Variants in BEST3 observed in about 807,000 individuals in gnomAD.
BEST3 encodes the protein bestrophin-3.
A neutral mutation model predicts 47.1 loss-of-function variants in BEST3; 50 were observed. The observed-to-expected ratio is 1.06, with a 90% CI of 0.85 to 1.34. The LOEUF is 1.34. Ranked by LOEUF, BEST3 falls within the 40% of genes most tolerant of loss-of-function variation. The pLI is 0.00. For synonymous variants in BEST3, 282 were observed against 298.8 expected (o/e 0.94, Z 0.58); for missense variants, 765 against 817.0 (o/e 0.94, Z 0.78).
chr12:69,672,714 G>A (rs1271027511), intron 8 of BEST3, among the ~76,000 whole-genome samples, 171 bp downstream of exon 8: 2 of 152,176 alleles, frequency 1.3e-5, no homozygotes, highest in African/African-American at 4.8e-5. Flanking sequence ...TGAAATCTCG[G>A]ATGTGTAAGC....
chr12:69,672,742 A>G (rs1280221744), intron 8 of BEST3, 143 bp downstream of exon 8: 1 of 610,918 alleles, frequency 1.6e-6, no homozygotes, highest in African/African-American at 1.9e-5. Context: ...AGGACCTGAG[A>G]CAGCACAGTG....
chr12:69,680,786 A>G (rs1281732934), intron 4 of BEST3, among the ~76,000 whole-genome samples: 1 of 152,174 alleles, frequency 6.6e-6, no homozygotes, highest in East Asian at 1.9e-4. Flanking sequence ...GGATTTTCAT[A>G]CAGGCCTATT....
At chr12:69,677,320 T>G (rs552071746) in intron 5 of BEST3, 63 bp from the exon 6 acceptor site, 2 of 1,394,870 alleles carry the variant, frequency 1.4e-6, no homozygotes, top group Non-Finnish European at 2.0e-6. Context: ...AAGTACTTAC[T>G]GGGACTCAGA....
At chr12:69,682,608 G>A (rs866714632) in intron 4 of BEST3, among the ~76,000 whole-genome samples, 9 of 151,548 alleles carry the variant, frequency 5.9e-5, no homozygotes, top group South Asian at 2.1e-4. Context: ...CAGAGTCTCC[G>A]TCTGTCATCC....
intron 4 of BEST3, among the ~76,000 whole-genome samples, chr12:69,681,878 C>T (rs1262947342): frequency 1.3e-5 from 2 of 151,952 alleles, no homozygotes; most frequent in African/African-American, 2.4e-5. Flanking sequence ...GTCAGGAGTT[C>T]GAGACCAGCC....
At chr12:69,685,145 C>T (rs970769322) in intron 4 of BEST3, among the ~76,000 whole-genome samples, 9 of 152,008 alleles carry the variant, frequency 5.9e-5, no homozygotes, top group African/African-American at 1.9e-4. Flanking sequence ...AAATAGGCTA[C>T]GGTGGAGTAA....
chr12:69,657,306 G>C (rs1593135920), intron 9 of BEST3, among the ~76,000 whole-genome samples: 1 of 152,128 alleles, frequency 6.6e-6, no homozygotes, highest in East Asian at 1.9e-4. Flanking sequence ...ATGTTGGCCA[G>C]GCTGGTCTCG....
chr12:69,680,630 G>A (rs1885204806), intron 4 of BEST3, among the ~76,000 whole-genome samples: 1 of 151,938 alleles, frequency 6.6e-6, no homozygotes, highest in African/African-American at 2.4e-5. Context: ...TAAAAATTTT[G>A]ACTGAATAAT....
At chr12:69,652,759 G>C (rs117208414), downstream of BEST3, among the ~76,000 whole-genome samples, 1 of 152,302 alleles carries the variant, frequency 6.6e-6, no homozygotes, top group East Asian at 1.9e-4. Flanking sequence ...AAACTTACTT[G>C]AATTTGAGCA....
rs1384570288 is a variant in BEST3, at chr12:69,667,774, G to C, written c.1100+3654C>G. 2.6e-5 allele frequency among the ~76,000 whole-genome samples: 4 copies of C among 152,238 alleles called. No homozygotes were observed. In the East Asian group the frequency reaches 7.7e-4, roughly 29 times the overall value. ...TTCTCCACCTTACATCTGTGAGCTT[G>C]GGAGGTGTTTTTTTCTTTTCTTTTT... On this transcript the variant is annotated intron_variant, in intron 9 of 9. Coordinates refer to ENST00000330891, the MANE Select transcript of BEST3 (RefSeq NM_032735.3).
intron 9 of BEST3, among the ~76,000 whole-genome samples, chr12:69,658,651 G>A (rs1883666151): frequency 6.6e-6 from 1 of 152,148 alleles, no homozygotes; most frequent in South Asian, 2.1e-4. Flanking sequence ...TTTACATTTG[G>A]GGCAAAGCAA....
intron 4 of BEST3, among the ~76,000 whole-genome samples, chr12:69,690,161 T>C (rs762253351): frequency 6.6e-6 from 1 of 152,166 alleles, no homozygotes; most frequent in African/African-American, 2.4e-5. Context: ...TTATTCAAGA[T>C]GTAGAGGGCC....
chr12:69,650,096 T>A (rs1433285715), downstream of BEST3, among the ~76,000 whole-genome samples: 1 of 152,150 alleles, frequency 6.6e-6, no homozygotes, highest in Non-Finnish European at 1.5e-5. Flanking sequence ...TGAGCAAATG[T>A]GGTTTTTGGG....
intron 4 of BEST3, among the ~76,000 whole-genome samples, chr12:69,679,487 T>C (rs1409973452): frequency 1.3e-5 from 2 of 152,254 alleles, no homozygotes; most frequent in Non-Finnish European, 1.5e-5. Context: ...CATAAATGTT[T>C]CCCTTACTAT....
chr12:69,657,508 C>T (rs1442062701), intron 9 of BEST3, among the ~76,000 whole-genome samples: 1 of 152,080 alleles, frequency 6.6e-6, no homozygotes, highest in Non-Finnish European at 1.5e-5. Flanking sequence ...AGTTATTTGC[C>T]ACACATCTCT....
At chr12:69,667,721 T>C (rs183623363) in intron 9 of BEST3, among the ~76,000 whole-genome samples, 1 of 152,316 alleles carries the variant, frequency 6.6e-6, no homozygotes, top group Admixed American at 6.5e-5. Context: ...TTCTCCACTG[T>C]AGCATTTACC....
At chr12:69,682,328 C>A (rs1018683807) in intron 4 of BEST3, among the ~76,000 whole-genome samples, 3 of 151,984 alleles carry the variant, frequency 2.0e-5, no homozygotes, top group Non-Finnish European at 4.4e-5. Flanking sequence ...TTGAAATAAA[C>A]AAAGTAACAA....
chr12:69,688,647 G>T (rs1287183999), intron 4 of BEST3, among the ~76,000 whole-genome samples: 2 of 152,206 alleles, frequency 1.3e-5, no homozygotes, highest in Non-Finnish European at 2.9e-5. Context: ...AGATGCTTCA[G>T]AAGGAGGTGC....
At chr12:69,650,419 A>G (rs778858190), downstream of BEST3, among the ~76,000 whole-genome samples, 13 of 152,254 alleles carry the variant, frequency 8.5e-5, no homozygotes, top group Admixed American at 6.5e-5. Flanking sequence ...TTGAGGACCT[A>G]TCTGACATAG....
Sources: allele counts gnomAD v4.1 joint callset (sites outside exome capture counted in the v4.1 genomes callset), GRCh38; gene constraint gnomAD v4.1.1; transcripts MANE v1.5; gene names NCBI Gene and HGNC (gene_info 2026-07-23, HGNC 2026-07-21).